Variants in ZNF668 observed in about 807,000 individuals in gnomAD.
The protein encoded by ZNF668 is zinc finger protein 668.
ZNF668 carries 10 observed loss-of-function variants against 40.3 expected under a neutral mutation model. That is an observed-to-expected ratio of 0.25 (90% confidence interval 0.15 to 0.42). The LOEUF (loss-of-function observed/expected upper bound fraction) is 0.42, where lower values mean the gene tolerates loss of function less well. Ranked by LOEUF, ZNF668 falls within the 10% of genes least tolerant of loss-of-function variation. The pLI is 1.00. For synonymous variants in ZNF668, 428 were observed against 384.6 expected (o/e 1.11, Z -1.32); for missense variants, 749 against 904.6 (o/e 0.83, Z 2.21).
At position 31,063,982 on chromosome 16, in the gene ZNF668, G is replaced by A. The variant is rs2143763939; in HGVS notation, c.478C>T (p.Arg160Cys). The change falls in exon 2 of 3, where the codon CGT (arginine) becomes TGT (cysteine). Residue 160 changes from arginine (R) to cysteine (C), a missense_variant. Coordinates refer to ENST00000300849, the MANE Select transcript of ZNF668 (RefSeq NM_024706.5). ...GALSKLKIHQ[R>C]GHTGERPYAC... ...TAAGGCCGCTCGCCTGTGTGGCCAC[G>A]CTGGTGGATCTTGAGCTTGGAGAGC... 8 of 1,610,752 alleles carry A rather than the reference G, an allele frequency of 5.0e-6. No homozygotes were observed. The highest frequency in any genetic ancestry group is 1.1e-5 in the South Asian group (1 of 90,834).
At chr16:31,066,165 CT>C in intron 1 of ZNF668, 2 of 985,436 alleles carry the variant, frequency 2.0e-6, no homozygotes, top group Non-Finnish European at 2.4e-6. Context: ...TGCAGCCGGT[CT>C]TCTCCCAAAA....
Position 31,062,163 on chromosome 16 carries a change from C to T in ZNF668, c.765G>A (p.Pro255=), listed in dbSNP as rs2056934701. The T allele has an allele frequency of 1.2e-6, 2 of 1,613,874 alleles. No homozygotes were observed. The highest frequency in any genetic ancestry group is 1.7e-5 in the Admixed American group (1 of 60,008). The change falls in exon 3 of 3, where the codon CCG becomes CCA. Residue 255 remains proline (P), a synonymous_variant. Transcript: ENST00000300849. The stretch of plus-strand genomic sequence containing the variant: ...GCTGCGTGAAGCCCTTGCCGCAGGC[C>T]GGGCAGCGGTAGGGCTTCTGTGCCG... ...IHAAQKPYRC[P]ACGKGFTQLS...
At chr16:31,064,704 G>A (rs2056968881) in intron 1 of ZNF668, 1 of 1,534,950 alleles carries the variant, frequency 6.5e-7, no homozygotes, top group African/African-American at 1.4e-5. Context: ...GGAGGCTGAG[G>A]GTCACAAAAG....
chr16:31,062,789 G>A (rs76788894), intron 2 of ZNF668: 243 of 122,226 alleles, frequency 2.0e-3, no homozygotes, highest in Middle Eastern at 0.011. Context: ...AAAAGAAAAA[G>A]AAAAAAAAAA....
At chr16:31,073,314 G>A (rs2057031947) in intron 1 of ZNF668, 1 of 152,604 alleles carries the variant, frequency 6.6e-6, no homozygotes, top group Admixed American at 6.5e-5. Flanking sequence ...GCAGGGGAGG[G>A]GGCCGCCGGC....
In ZNF668 at chr16:31,064,218, G is replaced by C; in HGVS notation, c.242C>G (p.Pro81Arg). 6.2e-7 allele frequency: 1 copy of C among 1,613,152 alleles called. No individual in the cohort carries two copies. Among genetic ancestry groups the C allele is most frequent in the Non-Finnish European group, 8.5e-7 (1 of 1,180,000 alleles). ...GCATAGCGGACACGCATAGGGCCTA[G>C]GCTTGGCCGCGGAGCCTGACACCTT... ...GEKVSGSAAK[P>R]RPYACPLCPK... Residue 81 changes from proline (P) to arginine (R), a missense_variant, in exon 2 of 3, where the codon CCT becomes CGT. This residue lies in a region of ZNF668 where 159 missense variants were observed against 139.8 expected (regional missense o/e 1.14). Transcript: ENST00000300849.
At chr16:31,065,909 G>T in intron 1 of ZNF668, 2 of 468,506 alleles carry the variant, frequency 4.3e-6, no homozygotes, top group Non-Finnish European at 5.6e-6. Context: ...GGGGTTGGTG[G>T]CTTCTAAGTT....
At chr16:31,065,853 C>CAA (rs58263461) in intron 1 of ZNF668, among the ~76,000 whole-genome samples, 63,774 of 142,116 alleles carry the variant, frequency 0.45, 15,039 homozygotes, top group South Asian at 0.71. Context: ...GACTCCGTCT[C>CAA]AAAAAAAAAA....
chr16:31,072,288 A>G (rs1398309022), intron 1 of ZNF668, among the ~76,000 whole-genome samples: 2 of 152,196 alleles, frequency 1.3e-5, no homozygotes, highest in African/African-American at 2.4e-5. Flanking sequence ...GGAAAGAACC[A>G]ACCTCAGATG....
chr16:31,072,161 A>G (rs564568288), intron 1 of ZNF668, among the ~76,000 whole-genome samples: 1 of 152,238 alleles, frequency 6.6e-6, no homozygotes, highest in Admixed American at 6.5e-5. Flanking sequence ...TACACATCTT[A>G]TGGTTTGGCT....
Position 31,063,978 on chromosome 16 carries a change from C to G in ZNF668, c.482G>C (p.Gly161Ala). 1.2e-6 allele frequency: 2 copies of G among 1,610,576 alleles called. No homozygotes were observed. The highest frequency in any genetic ancestry group is 1.7e-6 in the Non-Finnish European group (2 of 1,178,210). Residue 161 changes from glycine (G) to alanine (A), a missense_variant, in exon 2 of 3, where the codon GGC becomes GCC. Transcript: ENST00000300849. ...GGCGTAAGGCCGCTCGCCTGTGTGG[C>G]CACGCTGGTGGATCTTGAGCTTGGA... is the stretch of plus-strand genomic sequence containing the variant. The part of the protein sequence containing the change: ...ALSKLKIHQR[G>A]HTGERPYACA...
At chr16:31,068,262 AT>A in intron 1 of ZNF668, among the ~76,000 whole-genome samples, 1 of 121,658 alleles carries the variant, frequency 8.2e-6, no homozygotes, top group Non-Finnish European at 1.7e-5. Flanking sequence ...ATATATATAT[AT>A]ATAATTTTTG....
chr16:31,068,239 A>AAAAAAAAAAAAATATATAT (rs1473353128), intron 1 of ZNF668, among the ~76,000 whole-genome samples: 3 of 82,988 alleles, frequency 3.6e-5, no homozygotes, highest in Admixed American at 1.8e-4. Flanking sequence ...AAAAAAAAAA[A>AAAAAAAAAAAAATATATAT]ATATATATAT....
chr16:31,072,261 G>A (rs1304115617), intron 1 of ZNF668, among the ~76,000 whole-genome samples: 1 of 152,188 alleles, frequency 6.6e-6, no homozygotes, highest in African/African-American at 2.4e-5. Context: ...AACCCTGTGT[G>A]GTGACCCAAA....
At chr16:31,064,777 G>A in intron 1 of ZNF668, 1 of 1,487,492 alleles carries the variant, frequency 6.7e-7, no homozygotes, top group Non-Finnish European at 8.9e-7. Context: ...CATTCCCAGA[G>A]GCCCAGGTTC....
At chr16:31,069,258 C>G (rs2056998609) in intron 1 of ZNF668, 1 of 128,624 alleles carries the variant, frequency 7.8e-6, no homozygotes. Context: ...AACCCCATCT[C>G]TACTAAAAAT....
Position 31,061,362 on chromosome 16 carries a change from C to T in ZNF668, c.1566G>A (p.Lys522=). 6.2e-7 allele frequency: 1 copy of T among 1,613,264 alleles called. No individual in the cohort carries two copies. The highest frequency in any genetic ancestry group is 8.5e-7 in the Non-Finnish European group (1 of 1,179,548). Residue 522 remains lysine, a synonymous_variant, in exon 3 of 3, where the codon AAG becomes AAA. Coordinates refer to ENST00000300849, the MANE Select transcript of ZNF668 (RefSeq NM_024706.5). This position sits in a 1 kb window ranked among gnomAD's most constrained non-coding sequence, Gnocchi z 7.7. ...KPPQFVCREC[K]ETFSTMTLLR... is the part of the protein sequence containing the mutation. ...GCAGCGTCATTGTGGAGAAGGTCTC[C>T]TTGCACTCTCGGCACACAAACTGGG... is the stretch of plus-strand genomic sequence containing the variant.
At chr16:31,063,698 A>C in intron 2 of ZNF668, 115 bp downstream of exon 2, 1 of 1,228,340 alleles carries the variant, frequency 8.1e-7, no homozygotes, top group Non-Finnish European at 1.1e-6. Flanking sequence ...TGGATCTGCC[A>C]TGCCCACCTT....
chr16:31,070,266 G>T (rs1223097551), intron 1 of ZNF668, among the ~76,000 whole-genome samples: 1 of 150,416 alleles, frequency 6.6e-6, no homozygotes, highest in Non-Finnish European at 1.5e-5. Flanking sequence ...GGAGTGCAAT[G>T]GCACAATATC....
Sources: gnomAD v4.1 joint callset for allele counts (sites outside exome capture counted in the v4.1 genomes callset) on GRCh38, gnomAD v4.1.1 for gene constraint, gnomAD v4.1.1 regional missense constraint, Gnocchi (gnomAD v3.1) non-coding constraint, MANE v1.5 for transcripts, NCBI Gene and HGNC (gene_info 2026-07-23, HGNC 2026-07-21) for gene names.